Variants in CHD9 observed in about 807,000 individuals in gnomAD.
CHD9 encodes the protein ATP-dependent chromatin remodeler CHD9.
CHD9 carries 77 observed loss-of-function variants against 316.1 expected under a neutral mutation model. The observed-to-expected ratio is 0.24, with a 90% CI of 0.20 to 0.29. The LOEUF (loss-of-function observed/expected upper bound fraction) is 0.29. CHD9 is among the 10% of genes least tolerant of loss of function. The probability of loss-of-function intolerance (pLI) is 1.00; values close to 1 mark genes in which losing one functional copy is unlikely to be tolerated. For synonymous variants in CHD9, 1,129 were observed against 1,158.3 expected, an observed-to-expected ratio of 0.97 and a Z score of 0.51; for missense variants, 2,763 against 3,438.1, an observed-to-expected ratio of 0.80 and a Z score of 4.91.
At chr16:53,114,193 A>G (rs532329580) in intron 1 of CHD9, among the ~76,000 whole-genome samples, 50 of 152,260 alleles carry the variant, frequency 3.3e-4, no homozygotes, top group African/African-American at 1.2e-3. Context: ...TATTTGGTCT[A>G]ATTTCTTCCA....
intron 1 of CHD9, among the ~76,000 whole-genome samples, chr16:53,056,091 A>G (rs796159302): frequency 2.0e-5 from 3 of 152,302 alleles, no homozygotes; most frequent in African/African-American, 7.2e-5. Context: ...GGGCCTCACT[A>G]TATTCCCCAG....
intron 2 of CHD9, among the ~76,000 whole-genome samples, chr16:53,182,442 C>T (rs1185886626): frequency 6.6e-6 from 1 of 152,046 alleles, no homozygotes; most frequent in East Asian, 1.9e-4. Context: ...TGATTTTATT[C>T]TTCATTGGTT....
At chr16:53,244,216 T>C (rs897467349) in intron 13 of CHD9, among the ~76,000 whole-genome samples, 2 of 148,180 alleles carry the variant, frequency 1.3e-5, no homozygotes, top group Non-Finnish European at 3.0e-5. Context: ...TTTTTGAGAC[T>C]GAGTCTCACT....
rs2057537322 is a variant in CHD9 at position 53,326,274 on chromosome 16, T to G, written c.*1379T>G. The G allele has an allele frequency of 6.6e-6, 1 of 152,498 alleles. No homozygotes were observed. Among genetic ancestry groups the G allele is most frequent in the South Asian group, 2.1e-4 (1 of 4,828 alleles). The allele number at this position is 152,498 out of a possible 1,614,324, so 9.4% of individuals were successfully genotyped here. ...GAATTGGACATAAAAATATTGACAT[T>G]CTAAGGAGAGATATATGTTAGCATT... is the stretch of plus-strand genomic sequence containing the variant. On this transcript the variant is annotated 3_prime_UTR_variant, in exon 39 of 39. Transcript: ENST00000447540.
At chr16:53,227,518 G>A in intron 6 of CHD9, 30 bp from the exon 7 acceptor site, 1 of 1,479,658 alleles carries the variant, frequency 6.8e-7, no homozygotes, top group Middle Eastern at 1.7e-4. Context: ...CTGTTTAAAA[G>A]AGTCACCATT....
intron 2 of CHD9, among the ~76,000 whole-genome samples, chr16:53,204,931 C>T (rs1445128348): frequency 2.0e-5 from 3 of 152,140 alleles, no homozygotes; most frequent in Non-Finnish European, 4.4e-5. Flanking sequence ...GCAACCTCCA[C>T]CTCCTGGGTT....
chr16:53,090,526 T>A (rs2035845393), intron 1 of CHD9, among the ~76,000 whole-genome samples: 1 of 152,122 alleles, frequency 6.6e-6, no homozygotes. Context: ...ATAGTGACAG[T>A]GAGGGTTCTG....
chr16:53,200,384 A>C (rs1422570772), intron 2 of CHD9, among the ~76,000 whole-genome samples: 5 of 151,132 alleles, frequency 3.3e-5, no homozygotes, highest in Admixed American at 2.6e-4. Flanking sequence ...AAAAAAAAAA[A>C]AAAAAACCAC....
intron 1 of CHD9, among the ~76,000 whole-genome samples, chr16:53,100,881 C>T (rs1401005246): frequency 7.9e-5 from 12 of 152,194 alleles, no homozygotes; most frequent in Non-Finnish European, 1.8e-4. Context: ...CCTACTACTA[C>T]ATCAGATGGT....
chr16:53,060,666 G>T (rs532466556), intron 1 of CHD9, among the ~76,000 whole-genome samples: 2 of 152,080 alleles, frequency 1.3e-5, no homozygotes, highest in East Asian at 3.9e-4. Context: ...TGAGGTAAGC[G>T]AATCAATTGA....
chr16:53,206,942 T>C (rs1567477341), intron 2 of CHD9, among the ~76,000 whole-genome samples: 1 of 152,232 alleles, frequency 6.6e-6, no homozygotes, highest in Non-Finnish European at 1.5e-5. Flanking sequence ...TTATTGTTAT[T>C]ATTTTCACAT....
At chr16:53,280,757 A>G (rs1276617027) in intron 24 of CHD9, among the ~76,000 whole-genome samples, 1 of 152,152 alleles carries the variant, frequency 6.6e-6, no homozygotes, top group Non-Finnish European at 1.5e-5. Flanking sequence ...ACAACAAAAA[A>G]GATTGCCTAC....
intron 1 of CHD9, among the ~76,000 whole-genome samples, chr16:53,120,755 AGCATGTT>A (rs2152653109): frequency 6.6e-6 from 1 of 152,362 alleles, no homozygotes; most frequent in East Asian, 1.9e-4. Flanking sequence ...CTGTAATCTC[AGCATGTT>A]GGGAGTCTGA....
intron 20 of CHD9, among the ~76,000 whole-genome samples, chr16:53,265,400 T>G (rs1016724423): frequency 6.6e-6 from 1 of 152,038 alleles, no homozygotes; most frequent in African/African-American, 2.4e-5. Flanking sequence ...GAACCTTTCT[T>G]TAAAAAATTA....
At chr16:53,207,815 TA>T (rs1407606682) in intron 2 of CHD9, among the ~76,000 whole-genome samples, 17 of 152,164 alleles carry the variant, frequency 1.1e-4, no homozygotes, top group African/African-American at 3.4e-4. Context: ...TTTTTATGTA[TA>T]TTTTTTAAAA....
At chr16:53,203,411 A>G (rs1398344248) in intron 2 of CHD9, among the ~76,000 whole-genome samples, 2 of 152,074 alleles carry the variant, frequency 1.3e-5, no homozygotes. Context: ...GCTCCTCTTC[A>G]TCTGCTAGCT....
intron 36 of CHD9, among the ~76,000 whole-genome samples, chr16:53,316,909 A>C (rs903800375): frequency 6.6e-6 from 1 of 152,114 alleles, no homozygotes; most frequent in African/African-American, 2.4e-5. Context: ...TAGAATTATT[A>C]AGAAGATGGC....
At chr16:53,227,193 T>C in intron 5 of CHD9, 2 of 413,826 alleles carry the variant, frequency 4.8e-6, no homozygotes, top group Non-Finnish European at 8.6e-6. Context: ...ATATGTTTGC[T>C]ACAGAGATAA....
At chr16:53,313,669 G>A (rs972253730) in intron 34 of CHD9, among the ~76,000 whole-genome samples, 4 of 151,442 alleles carry the variant, frequency 2.6e-5, no homozygotes, top group African/African-American at 4.8e-5. Flanking sequence ...ATCTGGCCAG[G>A]TGCGGTGGCT....
Sources: allele counts gnomAD v4.1 joint callset (sites outside exome capture counted in the v4.1 genomes callset), GRCh38; gene constraint gnomAD v4.1.1; transcripts MANE v1.5; gene names NCBI Gene and HGNC (gene_info 2026-07-23, HGNC 2026-07-21).